The following CNOT10 variants were observed in gnomAD, a reference collection of about 807,000 sequenced individuals.
The protein encoded by CNOT10 is CCR4-NOT transcription complex subunit 10, also known as CCR4-NOT transcription complex, subunit 10.
Under a neutral mutation model 94.6 loss-of-function variants are expected in CNOT10, and 30 were observed. That is an observed-to-expected ratio of 0.32 (90% CI 0.24 to 0.43). The LOEUF is 0.43. Ranked by LOEUF, CNOT10 falls within the 20% of genes least tolerant of loss-of-function variation. CNOT10 has a pLI of 1.00. For synonymous variants in CNOT10, 289 were observed against 301.6 expected (o/e 0.96, Z 0.43); for missense variants, 759 against 877.2 (o/e 0.87, Z 1.70).
At chr3:32,687,282 T>C (rs2125482803) in intron 1 of CNOT10, among the ~76,000 whole-genome samples, 1 of 152,022 alleles carries the variant, frequency 6.6e-6, no homozygotes, top group East Asian at 1.9e-4. Flanking sequence ...TTTTCCTCAC[T>C]GTCGCCCCCC....
chr3:32,734,810 T>C lies in CNOT10; in HGVS notation c.1348T>C (p.Ser450Pro). ...TTTTGTTCTTTTAAGTGATGGGCAGTCTTCGGCCATTCCTGTAGCCAGTAT... is the reference window on the plus strand; with the variant it reads ...TTTTGTTCTTTTAAGTGATGGGCAGCCTTCGGCCATTCCTGTAGCCAGTAT... ...IQNTVYNDGQ[S>P]SAIPVASMEF... Residue 450 changes from serine to proline, a missense_variant, in exon 12 of 19, where the codon TCT becomes CCT. Ser to Pro is a moderately conservative substitution (Grantham distance 74). Around this residue, in one of 3 missense-constraint regions of CNOT10, gnomAD observed 682 missense variants for 799.4 expected, o/e 0.85. Coordinates refer to ENST00000328834, the MANE Select transcript of CNOT10 (RefSeq NM_015442.3). 6.2e-7 allele frequency: 1 copy of C among 1,608,594 alleles called. No homozygotes were observed.
At chr3:32,712,163 G>GTTT (rs112756771) in intron 4 of CNOT10, among the ~76,000 whole-genome samples, 2 of 141,070 alleles carry the variant, frequency 1.4e-5, no homozygotes, top group Non-Finnish European at 1.5e-5. Context: ...GTGTTTGTTT[G>GTTT]TTTTTTTTTT....
chr3:32,698,379 T>C (rs1044988734), intron 1 of CNOT10, among the ~76,000 whole-genome samples: 2 of 152,200 alleles, frequency 1.3e-5, no homozygotes, highest in African/African-American at 4.8e-5. Context: ...GTACAAGTTA[T>C]ACAGTATTAC....
At chr3:32,695,405 A>C in intron 1 of CNOT10, 2 of 524,026 alleles carry the variant, frequency 3.8e-6, no homozygotes, top group East Asian at 7.2e-5. Flanking sequence ...AGGTCTTTTA[A>C]CATCCCTTTT....
intron 7 of CNOT10, among the ~76,000 whole-genome samples, chr3:32,717,708 A>G (rs1182057305): frequency 6.6e-6 from 1 of 152,112 alleles, no homozygotes; most frequent in Non-Finnish European, 1.5e-5. Flanking sequence ...TCTACTAAAA[A>G]TACAAAAATA....
rs530735290 is a variant in CNOT10 at position 32,712,424 on chromosome 3, T to C, written c.431-803T>C. Among the ~76,000 whole-genome samples, 922 of 152,180 alleles carry C rather than the reference T, an allele frequency of 6.1e-3. 15 individuals are homozygous for C. The highest frequency in any genetic ancestry group is 0.021 in the African/African-American group (884 of 41,532). On this transcript the variant is annotated intron_variant, in intron 4 of 18. Transcript: ENST00000328834. ...TATCCAAAATGCTTGGGACAAGAAG[T>C]GTTTCAGATTTGGGATTTTTTTTAA...
chr3:32,768,902 G>C (rs970914059), intron 17 of CNOT10: 13 of 152,166 alleles, frequency 8.5e-5, no homozygotes, highest in African/African-American at 3.1e-4. Context: ...TTTTCTACCT[G>C]TGAGATATCT....
At chr3:32,716,341 A>C in intron 6 of CNOT10, 30 bp downstream of exon 6, 1 of 1,051,492 alleles carries the variant, frequency 9.5e-7, no homozygotes, top group Non-Finnish European at 1.5e-6. Context: ...GGGGCAATAC[A>C]TCACATATAT....
intron 10 of CNOT10, among the ~76,000 whole-genome samples, chr3:32,729,442 A>G (rs896010747): frequency 3.9e-5 from 6 of 152,172 alleles, no homozygotes; most frequent in African/African-American, 1.2e-4. Flanking sequence ...TTGGGTGTGT[A>G]TAGACATTGG....
intron 1 of CNOT10, among the ~76,000 whole-genome samples, chr3:32,700,583 A>G (rs1253117420): frequency 6.6e-5 from 10 of 152,196 alleles, no homozygotes; most frequent in Admixed American, 3.3e-4. Context: ...CTTCACATAT[A>G]TTCTTACTAA....
At chr3:32,716,175 T>G in intron 5 of CNOT10, 50 bp from the exon 6 acceptor site, 3 of 1,008,414 alleles carry the variant, frequency 3.0e-6, no homozygotes, top group Non-Finnish European at 4.4e-6. Flanking sequence ...TGATTTAAAT[T>G]ATGGTCAAAA....
intron 1 of CNOT10, among the ~76,000 whole-genome samples, chr3:32,686,183 A>G (rs894247125): frequency 1.3e-5 from 2 of 152,192 alleles, no homozygotes; most frequent in Non-Finnish European, 2.9e-5. Flanking sequence ...TATTGCTCCC[A>G]TTCCTAGAAT....
chr3:32,743,199 C>T (rs753022331), intron 13 of CNOT10, among the ~76,000 whole-genome samples: 1 of 151,916 alleles, frequency 6.6e-6, no homozygotes, highest in Admixed American at 6.6e-5. Context: ...GTTGGTCAGG[C>T]TAGTCTCGAA....
chr3:32,749,937 C>T (rs1196664267), intron 13 of CNOT10, among the ~76,000 whole-genome samples: 1 of 152,072 alleles, frequency 6.6e-6, no homozygotes, highest in Non-Finnish European at 1.5e-5. Flanking sequence ...AAGGAAATAA[C>T]TGGGTGTGGT....
At chr3:32,753,349 A>T (rs1246720028) in intron 13 of CNOT10, 6 of 1,240,350 alleles carry the variant, frequency 4.8e-6, no homozygotes, top group East Asian at 2.3e-5. Context: ...ATCAAACAGA[A>T]TCGCAAGTAG....
At chr3:32,733,749 T>G (rs1699058624) in intron 11 of CNOT10, among the ~76,000 whole-genome samples, 1 of 152,186 alleles carries the variant, frequency 6.6e-6, no homozygotes, top group Non-Finnish European at 1.5e-5. Flanking sequence ...ATTACATCCA[T>G]GGGTGCTGCA....
chr3:32,761,737 T>C (rs2125635116), intron 14 of CNOT10, among the ~76,000 whole-genome samples: 1 of 151,442 alleles, frequency 6.6e-6, no homozygotes, highest in East Asian at 1.9e-4. Flanking sequence ...TTTTTTTTTT[T>C]TTTTTCTTTT....
chr3:32,727,945 A>C (rs117855789), intron 10 of CNOT10, 75 bp downstream of exon 10: 19,212 of 1,053,162 alleles, frequency 0.018, 272 homozygotes, highest in East Asian at 0.053. Context: ...AAAAAAAAAA[A>C]AAAACCTTGG....
At chr3:32,731,534 G>A (rs1698952731) in intron 10 of CNOT10, among the ~76,000 whole-genome samples, 1 of 152,044 alleles carries the variant, frequency 6.6e-6, no homozygotes, top group African/African-American at 2.4e-5. Context: ...GAGTGCAGTG[G>A]CGTGATCATG....
Sources: allele counts gnomAD v4.1 joint callset (sites outside exome capture counted in the v4.1 genomes callset), GRCh38; gene constraint gnomAD v4.1.1; regional missense constraint gnomAD v4.1.1; transcripts MANE v1.5; gene names NCBI Gene and HGNC (gene_info 2026-07-23, HGNC 2026-07-21).